The following LRMDA variants were observed in gnomAD, a reference collection of about 807,000 sequenced individuals.
The protein encoded by LRMDA is leucine rich melanocyte differentiation associated, also known as leucine-rich melanocyte differentiation-associated protein.
LRMDA carries 18 observed loss-of-function variants against 29.8 expected under a neutral mutation model. That is an observed-to-expected ratio of 0.60 (90% CI 0.42 to 0.90). The LOEUF is 0.90. Ranked by LOEUF, LRMDA falls within the 40% of genes least tolerant of loss-of-function variation. The probability of loss-of-function intolerance (pLI) is 0.00; values close to 1 mark genes in which losing one functional copy is unlikely to be tolerated. For missense variants in LRMDA, 273 were observed against 273.9 expected (o/e 1.00, Z 0.02); for synonymous variants, 125 against 109.4 (o/e 1.14, Z -0.89).
At chr10:76,509,553 T>C (rs1842988906) in intron 6 of LRMDA, among the ~76,000 whole-genome samples, 1 of 152,212 alleles carries the variant, frequency 6.6e-6, no homozygotes, top group Non-Finnish European at 1.5e-5. Flanking sequence ...TCTTGGAATA[T>C]GCCAGACAGT....
intron 5 of LRMDA, among the ~76,000 whole-genome samples, chr10:76,237,566 C>A (rs147923373): frequency 6.6e-6 from 1 of 152,088 alleles, no homozygotes; most frequent in South Asian, 2.1e-4. Flanking sequence ...TGCTGACATG[C>A]TCTTGGAATG....
At chr10:75,502,155 G>C (rs1370801704) in intron 2 of LRMDA, among the ~76,000 whole-genome samples, 1 of 152,156 alleles carries the variant, frequency 6.6e-6, no homozygotes. Context: ...ACTCTTAACT[G>C]TCTTAGCCCA....
intron 6 of LRMDA, among the ~76,000 whole-genome samples, chr10:76,478,510 C>G (rs182874356): frequency 4.5e-4 from 68 of 152,164 alleles, no homozygotes; most frequent in African/African-American, 1.5e-3. Flanking sequence ...GGATCTAGAA[C>G]TAGAAATATC....
chr10:75,964,254 C>G (rs1846818584), intron 2 of LRMDA, among the ~76,000 whole-genome samples: 1 of 152,148 alleles, frequency 6.6e-6, no homozygotes, highest in South Asian at 2.1e-4. Context: ...ACTGGACTCT[C>G]AAGAATTGGA....
intron 2 of LRMDA, among the ~76,000 whole-genome samples, chr10:75,609,872 T>C (rs917310195): frequency 3.9e-5 from 6 of 152,114 alleles, no homozygotes; most frequent in African/African-American, 1.2e-4. Context: ...AAGAAGAGGC[T>C]GTTAGACTTT....
chr10:75,682,262 T>C (rs1842031792), intron 2 of LRMDA, among the ~76,000 whole-genome samples: 1 of 152,216 alleles, frequency 6.6e-6, no homozygotes, highest in Non-Finnish European at 1.5e-5. Context: ...CTAAAGAATC[T>C]GGCACACAGT....
intron 2 of LRMDA, among the ~76,000 whole-genome samples, chr10:75,521,521 C>T (rs898839285): frequency 6.6e-6 from 1 of 152,212 alleles, no homozygotes; most frequent in Non-Finnish European, 1.5e-5. Context: ...GAGCCAGGCA[C>T]GGGAGAGAAT....
intron 2 of LRMDA, among the ~76,000 whole-genome samples, chr10:75,562,239 C>T (rs1306442034): frequency 4.6e-5 from 7 of 152,080 alleles, no homozygotes; most frequent in South Asian, 2.1e-4. Context: ...TATATGTTTA[C>T]GATAGATAGC....
At chr10:76,310,051 AC>A (rs1447907860) in intron 5 of LRMDA, among the ~76,000 whole-genome samples, 4 of 152,192 alleles carry the variant, frequency 2.6e-5, no homozygotes, top group Non-Finnish European at 5.9e-5. Flanking sequence ...TGCAATTTAG[AC>A]TGTAATTTTT....
At chr10:75,467,981 C>CACACAG (rs1554892163) in intron 2 of LRMDA, among the ~76,000 whole-genome samples, 2 of 151,652 alleles carry the variant, frequency 1.3e-5, no homozygotes, top group African/African-American at 4.8e-5. Context: ...CACACACACA[C>CACACAG]ACACACACAC....
chr10:76,447,708 A>C (rs1042606228), intron 6 of LRMDA, among the ~76,000 whole-genome samples: 3 of 151,854 alleles, frequency 2.0e-5, no homozygotes, highest in Admixed American at 6.6e-5. Context: ...CACAGCCTTA[A>C]TTTTTCTCAT....
chr10:75,967,776 G>T (rs1846890917), intron 2 of LRMDA, among the ~76,000 whole-genome samples: 1 of 152,060 alleles, frequency 6.6e-6, no homozygotes, highest in Non-Finnish European at 1.5e-5. Context: ...GGCGGGCAGG[G>T]GTGGGGGAGG....
chr10:76,110,935 C>G (rs139178901), intron 5 of LRMDA, among the ~76,000 whole-genome samples: 1 of 152,328 alleles, frequency 6.6e-6, no homozygotes, highest in East Asian at 1.9e-4. Flanking sequence ...CCAGCTCCAT[C>G]TTATACCATC....
rs201261326 is a variant in LRMDA at position 76,557,226 on chromosome 10, C to T, written c.619C>T (p.Arg207Cys). The change falls in exon 7 of 7, where the codon CGC (arginine) becomes TGC (cysteine). Residue 207 changes from arginine (R) to cysteine (C), a missense_variant. Arg to Cys is a radical substitution (Grantham distance 180, BLOSUM62 -3). Transcript: ENST00000611255. Reference protein sequence around the residue: ...TSHQGVLGKCRYVYYGKNSEG... With the variant: ...TSHQGVLGKCCYVYYGKNSEG... ...ATTTGCAGGTGTCCTGGGGAAGTGT[C>T]GCTACGTTTACTATGGGAAAAACTC... The T allele has an allele frequency of 9.3e-6, 15 of 1,613,984 alleles. No homozygotes were observed. The highest frequency in any genetic ancestry group is 4.5e-5 in the East Asian group (2 of 44,876).
chr10:76,386,658 G>A (rs1245853246), intron 6 of LRMDA, among the ~76,000 whole-genome samples: 1 of 152,022 alleles, frequency 6.6e-6, no homozygotes, highest in Non-Finnish European at 1.5e-5. Context: ...TAGGGCCAAT[G>A]TCCTAATTTG....
At chr10:75,544,532 G>GTCTTC (rs1244220149) in intron 2 of LRMDA, among the ~76,000 whole-genome samples, 5 of 152,252 alleles carry the variant, frequency 3.3e-5, no homozygotes, top group African/African-American at 1.2e-4. Flanking sequence ...CCTATTCACT[G>GTCTTC]CTATGACTTA....
intron 2 of LRMDA, among the ~76,000 whole-genome samples, chr10:75,808,000 G>A (rs867070907): frequency 6.6e-6 from 1 of 152,180 alleles, no homozygotes; most frequent in Non-Finnish European, 1.5e-5. Context: ...CACACAGTAT[G>A]TGGGCATTTG....
chr10:76,349,166 A>G (rs569245256), intron 6 of LRMDA, among the ~76,000 whole-genome samples: 2 of 152,284 alleles, frequency 1.3e-5, no homozygotes, highest in South Asian at 4.1e-4. Flanking sequence ...ATAGTCTGTA[A>G]ATGGAGATGT....
At chr10:76,521,422 C>T (rs781689697) in intron 6 of LRMDA, among the ~76,000 whole-genome samples, 2 of 152,194 alleles carry the variant, frequency 1.3e-5, no homozygotes, top group African/African-American at 4.8e-5. Context: ...GCGTGAGCCA[C>T]CGCGCCCAGC....
Sources: allele counts gnomAD v4.1 joint callset (sites outside exome capture counted in the v4.1 genomes callset), GRCh38; gene constraint gnomAD v4.1.1; transcripts MANE v1.5; gene names NCBI Gene and HGNC (gene_info 2026-07-23, HGNC 2026-07-21).